The following SEC24D variants were observed in gnomAD, a reference collection of about 807,000 sequenced individuals.
The protein encoded by SEC24D is SEC24 homolog D, COPII component.
SEC24D carries 69 observed loss-of-function variants against 116.9 expected under a neutral mutation model. The observed-to-expected ratio is 0.59, with a 90% CI of 0.49 to 0.72. SEC24D has a LOEUF of 0.72. Among genes scored for constraint, SEC24D ranks in the 30% least tolerant of loss-of-function variants. The pLI, the probability that SEC24D is intolerant of heterozygous loss-of-function variation, is 0.00. For synonymous variants in SEC24D, 405 were observed against 442.8 expected (o/e 0.91, Z 1.07); for missense variants, 1,131 against 1,264.1 (o/e 0.89, Z 1.60).
In SEC24D at chr4:118,723,441, T is replaced by C. The variant is rs1029179283; in HGVS notation, c.*74A>G. The stretch of plus-strand genomic sequence containing the variant: ...GCAAGAAATCAAAACTAGCCTATTA[T>C]CATCTAGAAAATTAGGCACCAAGAA... On this transcript the variant is annotated 3_prime_UTR_variant, in exon 23 of 23. Transcript: ENST00000280551. The C allele has an allele frequency of 2.1e-6, 3 of 1,445,950 alleles. No individual in the cohort carries two copies. The highest frequency in any genetic ancestry group is 9.4e-7 in the Non-Finnish European group (1 of 1,058,248). The allele number at this position is 1,445,950 out of a possible 1,614,324, so 89.6% of individuals were successfully genotyped here. A position where few individuals can be genotyped will look rare whatever the true frequency, so the allele number is the denominator to read the frequency against.
At chr4:118,785,555 G>C (rs1728631698) in intron 8 of SEC24D, among the ~76,000 whole-genome samples, 1 of 152,132 alleles carries the variant, frequency 6.6e-6, no homozygotes, top group Admixed American at 6.5e-5. Flanking sequence ...GTGTGAAGGA[G>C]TTGAAGAAAA....
chr4:118,767,665 G>A (rs1409930930), intron 9 of SEC24D, among the ~76,000 whole-genome samples: 3 of 152,028 alleles, frequency 2.0e-5, no homozygotes, highest in Non-Finnish European at 4.4e-5. Context: ...ATACGGGAAA[G>A]CCCTTTTTAA....
chr4:118,777,022 G>C (rs928610817), intron 8 of SEC24D, among the ~76,000 whole-genome samples: 1 of 152,056 alleles, frequency 6.6e-6, no homozygotes, highest in Non-Finnish European at 1.5e-5. Flanking sequence ...ATTAGTCAAA[G>C]TATTCCCTGC....
chr4:118,777,049 T>C (rs938692673), intron 8 of SEC24D, among the ~76,000 whole-genome samples: 1 of 152,136 alleles, frequency 6.6e-6, no homozygotes, highest in African/African-American at 2.4e-5. Context: ...CTTACTTCTT[T>C]ATAAGGCCAT....
At chr4:118,793,595 A>G (rs1257406357) in intron 8 of SEC24D, among the ~76,000 whole-genome samples, 1 of 152,166 alleles carries the variant, frequency 6.6e-6, no homozygotes, top group African/African-American at 2.4e-5. Context: ...GTTTAGGTCC[A>G]GCTACATGCC....
At chr4:118,793,850 T>G (rs558950862) in intron 8 of SEC24D, among the ~76,000 whole-genome samples, 1 of 152,370 alleles carries the variant, frequency 6.6e-6, no homozygotes, top group East Asian at 1.9e-4. Context: ...GAAAGGGCTT[T>G]GTGTAGAGAG....
At chr4:118,743,459 A>T (rs1162187646) in intron 15 of SEC24D, among the ~76,000 whole-genome samples, 1 of 152,116 alleles carries the variant, frequency 6.6e-6, no homozygotes, top group East Asian at 1.9e-4. Flanking sequence ...CAAGTCCCTG[A>T]CATAAAATGG....
intron 8 of SEC24D, among the ~76,000 whole-genome samples, chr4:118,779,145 T>A (rs1433702624): frequency 6.6e-6 from 1 of 152,138 alleles, no homozygotes; most frequent in Admixed American, 6.5e-5. Flanking sequence ...CTATGTTGAG[T>A]AGGAGTGGTG....
Position 118,723,359 on chromosome 4 carries a change from G to A in SEC24D, c.*156C>T. ...GTACCTTAATTGGCTTTATACCTGA[G>A]CACCAAAGCTGAAGTTCTAAATGCC... is the stretch of plus-strand genomic sequence containing the variant. On this transcript the variant is annotated 3_prime_UTR_variant, in exon 23 of 23. Transcript: ENST00000280551. 2 of 664,500 alleles carry A rather than the reference G, an allele frequency of 3.0e-6. No homozygotes were observed. Among genetic ancestry groups the A allele is most frequent in the Admixed American group, 3.1e-5 (1 of 32,386 alleles). 41.2% of individuals were successfully genotyped at this position (664,500 alleles called of 1,614,324 possible).
intron 3 of SEC24D, among the ~76,000 whole-genome samples, chr4:118,823,384 GGGAGTT>G (rs1730476636): frequency 6.6e-6 from 1 of 152,142 alleles, no homozygotes; most frequent in East Asian, 1.9e-4. Flanking sequence ...AAATCCCAGA[GGGAGTT>G]TTCCTATTAT....
At position 118,805,893 on chromosome 4, in the gene SEC24D, C is replaced by T. The variant is rs982220465; in HGVS notation, c.863G>A (p.Arg288Lys). The change falls in exon 7 of 23, where the codon AGA (arginine) becomes AAA (lysine). Residue 288 changes from arginine to lysine, a missense_variant. Physicochemically the swap from Arg to Lys is conservative, Grantham distance 26. Coordinates refer to ENST00000280551, the MANE Select transcript of SEC24D (RefSeq NM_014822.4). Reference sequence around the variant, plus strand: ...AGTGACCAGGGGAGGGATCTGGCCTCTGGTGTTGGTGGCATAAACTTGTCC... The same window carrying T: ...AGTGACCAGGGGAGGGATCTGGCCTTTGGTGTTGGTGGCATAAACTTGTCC... ...RGGQVYATNT[R>K]GQIPPLVTTD... The T allele has an allele frequency of 6.3e-7, 1 of 1,596,966 alleles. No homozygotes were observed. The highest frequency in any genetic ancestry group is 8.5e-7 in the Non-Finnish European group (1 of 1,172,862).
At chr4:118,794,832 C>G (rs925350741) in intron 8 of SEC24D, among the ~76,000 whole-genome samples, 1 of 151,938 alleles carries the variant, frequency 6.6e-6, no homozygotes, top group Admixed American at 6.6e-5. Flanking sequence ...AATATATTAC[C>G]CCGCTGTTTT....
intron 8 of SEC24D, among the ~76,000 whole-genome samples, chr4:118,779,478 T>G (rs1728299542): frequency 1.3e-5 from 2 of 152,224 alleles, no homozygotes. Context: ...GGATAAGCTT[T>G]TTGATGTGCT....
intron 7 of SEC24D, among the ~76,000 whole-genome samples, chr4:118,798,735 T>C (rs1186394724): frequency 6.6e-6 from 1 of 152,292 alleles, no homozygotes; most frequent in East Asian, 1.9e-4. Context: ...GGCAGGCAGA[T>C]TGCAATTTTA....
At chr4:118,784,745 C>G (rs967743248) in intron 8 of SEC24D, among the ~76,000 whole-genome samples, 19 of 151,084 alleles carry the variant, frequency 1.3e-4, no homozygotes, top group South Asian at 4.2e-4. Context: ...CCCTGCCCCC[C>G]CCCCCGCCAC....
chr4:118,734,051 C>G (rs142497005), intron 19 of SEC24D, among the ~76,000 whole-genome samples: 35 of 151,086 alleles, frequency 2.3e-4, no homozygotes, highest in Non-Finnish European at 3.5e-4. Flanking sequence ...AGCTAATAAT[C>G]AAGTTTGACT....
chr4:118,811,506 C>A (rs1729920327), intron 6 of SEC24D, among the ~76,000 whole-genome samples: 1 of 152,180 alleles, frequency 6.6e-6, no homozygotes, highest in South Asian at 2.1e-4. Flanking sequence ...AACAGGCAGG[C>A]TTTGAGTAAA....
At chr4:118,784,424 T>G (rs1307640120) in intron 8 of SEC24D, among the ~76,000 whole-genome samples, 2 of 152,136 alleles carry the variant, frequency 1.3e-5, no homozygotes, top group African/African-American at 2.4e-5. Flanking sequence ...TTTCAAAACT[T>G]TTCAAACTAT....
chr4:118,814,402 T>G (rs115683389), intron 6 of SEC24D, among the ~76,000 whole-genome samples: 6,652 of 152,262 alleles, frequency 0.044, 200 homozygotes, highest in Non-Finnish European at 0.064. Flanking sequence ...AGAGCCTAAA[T>G]CCAATCTGCA....
Sources: allele counts gnomAD v4.1 joint callset (sites outside exome capture counted in the v4.1 genomes callset), GRCh38; gene constraint gnomAD v4.1.1; transcripts MANE v1.5; gene names NCBI Gene and HGNC (gene_info 2026-07-23, HGNC 2026-07-21).